PTPRD: variants seen among roughly 807,000 people sequenced by gnomAD.
The protein encoded by PTPRD is receptor-type tyrosine-protein phosphatase delta.
Under a neutral mutation model 214.5 loss-of-function variants are expected in PTPRD, and 34 were observed. That is an observed-to-expected ratio of 0.16 (90% CI 0.12 to 0.21). The LOEUF (loss-of-function observed/expected upper bound fraction) is 0.21, where lower values mean the gene tolerates loss of function less well. Ranked by LOEUF, PTPRD falls within the 10% of genes least tolerant of loss-of-function variation. The pLI is 1.00. For missense variants in PTPRD, 2,545 were observed against 2,398.7 expected (o/e 1.06, Z -1.27); for synonymous variants, 1,128 against 845.7 (o/e 1.33, Z -5.79).
chr9:8,454,742 A>T, intron 33 of PTPRD: 1 of 808,084 alleles, frequency 1.2e-6, no homozygotes. Flanking sequence ...AGCGACAGCG[A>T]ATCAAAATAT....
intron 2 of PTPRD, among the ~76,000 whole-genome samples, chr9:10,522,813 C>A (rs2052791501): frequency 6.6e-6 from 1 of 151,818 alleles, no homozygotes; most frequent in African/African-American, 2.4e-5. Flanking sequence ...TAAAGCTGAA[C>A]TTTTAAAAAA....
chr9:9,285,508 T>C (rs1949073159), intron 9 of PTPRD, among the ~76,000 whole-genome samples: 1 of 151,860 alleles, frequency 6.6e-6, no homozygotes, highest in Admixed American at 6.6e-5. Context: ...TCTCCAGACA[T>C]TCCTTGAGTC....
chr9:9,796,570 G>A (rs906686806), intron 5 of PTPRD, among the ~76,000 whole-genome samples: 7 of 152,128 alleles, frequency 4.6e-5, no homozygotes, highest in Non-Finnish European at 8.8e-5. Context: ...GAAATGAAGA[G>A]AGGTACAAAA....
At chr9:8,697,612 G>A (rs1255800663) in intron 12 of PTPRD, among the ~76,000 whole-genome samples, 1 of 151,448 alleles carries the variant, frequency 6.6e-6, no homozygotes, top group Non-Finnish European at 1.5e-5. Flanking sequence ...TAGTAGAGAT[G>A]AGTTTTCACC....
At chr9:8,995,423 A>C (rs2099392788) in intron 11 of PTPRD, among the ~76,000 whole-genome samples, 1 of 152,048 alleles carries the variant, frequency 6.6e-6, no homozygotes, top group South Asian at 2.1e-4. Flanking sequence ...ATAACATTGA[A>C]ACTCGCTGCT....
intron 3 of PTPRD, among the ~76,000 whole-genome samples, chr9:10,205,753 G>C (rs1389864425): frequency 3.3e-5 from 5 of 152,062 alleles, no homozygotes; most frequent in Non-Finnish European, 2.9e-5. Flanking sequence ...TAATTGATTT[G>C]AAATAATATA....
intron 2 of PTPRD, among the ~76,000 whole-genome samples, chr9:10,473,211 T>C (rs1370778289): frequency 6.6e-6 from 1 of 151,908 alleles, no homozygotes; most frequent in Non-Finnish European, 1.5e-5. Flanking sequence ...AAATAAACAT[T>C]AGAATCAATT....
intron 9 of PTPRD, among the ~76,000 whole-genome samples, chr9:9,243,363 C>G (rs1335061552): frequency 6.6e-6 from 1 of 152,088 alleles, no homozygotes; most frequent in Non-Finnish European, 1.5e-5. Context: ...ACTAATATCC[C>G]TGATGAACAT....
At chr9:9,759,136 G>C (rs1221867581) in intron 6 of PTPRD, among the ~76,000 whole-genome samples, 2 of 152,124 alleles carry the variant, frequency 1.3e-5, no homozygotes, top group Non-Finnish European at 2.9e-5. Flanking sequence ...CTATCTTTGA[G>C]CAAGCAGGTC....
intron 3 of PTPRD, among the ~76,000 whole-genome samples, chr9:10,326,115 CAAACA>C (rs1468899448): frequency 6.6e-6 from 1 of 151,332 alleles, no homozygotes; most frequent in Admixed American, 6.6e-5. Context: ...AGCTAAAAAC[CAAACA>C]AAACTAAAAA....
intron 8 of PTPRD, chr9:9,442,369 C>A (rs532329769): frequency 6.6e-6 from 1 of 152,326 alleles, no homozygotes; most frequent in Admixed American, 6.5e-5. Context: ...ATTACAGAGA[C>A]AAATATCCAT....
At chr9:9,170,472 G>A (rs2099912307) in intron 10 of PTPRD, among the ~76,000 whole-genome samples, 1 of 152,188 alleles carries the variant, frequency 6.6e-6, no homozygotes, top group Non-Finnish European at 1.5e-5. Context: ...CCTAAATGGT[G>A]TCAGTCAGTT....
At chr9:9,596,692 T>G (rs567208090) in intron 7 of PTPRD, among the ~76,000 whole-genome samples, 2 of 152,038 alleles carry the variant, frequency 1.3e-5, no homozygotes, top group South Asian at 2.1e-4. Context: ...TGTAAATCAG[T>G]CCATATCCTT....
intron 11 of PTPRD, among the ~76,000 whole-genome samples, chr9:8,816,249 T>C (rs937560502): frequency 6.6e-6 from 1 of 152,196 alleles, no homozygotes; most frequent in African/African-American, 2.4e-5. Flanking sequence ...TAACAGAATA[T>C]GATCATTGGT....
chr9:10,137,930 C>G (rs966308262), intron 3 of PTPRD, among the ~76,000 whole-genome samples: 2 of 151,918 alleles, frequency 1.3e-5, no homozygotes, highest in African/African-American at 2.4e-5. Flanking sequence ...ACACCTACAT[C>G]AAGAACTTAG....
intron 9 of PTPRD, among the ~76,000 whole-genome samples, chr9:9,245,079 A>G (rs1003052337): frequency 2.6e-5 from 4 of 152,212 alleles, no homozygotes; most frequent in African/African-American, 7.2e-5. Flanking sequence ...AATCAAAACC[A>G]CAATGAGATA....
chr9:10,069,625 A>T (rs2097956090), intron 3 of PTPRD, among the ~76,000 whole-genome samples: 1 of 152,052 alleles, frequency 6.6e-6, no homozygotes, highest in Non-Finnish European at 1.5e-5. Flanking sequence ...CACTCAACAT[A>T]ATTAGCCACT....
chr9:8,738,742 G>T (rs966426700), intron 11 of PTPRD, among the ~76,000 whole-genome samples: 1 of 150,798 alleles, frequency 6.6e-6, no homozygotes, highest in African/African-American at 2.4e-5. Flanking sequence ...TCTGAAAACG[G>T]GAACAGAAAA....
chr9:8,338,201 GA>G (rs1244611329), intron 43 of PTPRD, among the ~76,000 whole-genome samples: 4 of 152,038 alleles, frequency 2.6e-5, no homozygotes, highest in Non-Finnish European at 5.9e-5. Flanking sequence ...GCAGGTCTTT[GA>G]ACTGACCTGG....
Sources: gnomAD v4.1 joint callset for allele counts (sites outside exome capture counted in the v4.1 genomes callset) on GRCh38, gnomAD v4.1.1 for gene constraint, MANE v1.5 for transcripts, NCBI Gene and HGNC (gene_info 2026-07-23, HGNC 2026-07-21) for gene names.